Variants in SHANK2 observed in about 807,000 individuals in gnomAD.
SHANK2 encodes the protein SH3 and multiple ankyrin repeat domains protein 2.
In SHANK2, 43 loss-of-function variants were observed where a neutral mutation model predicts 133.7. The observed-to-expected ratio is 0.32, with a 90% CI of 0.25 to 0.41. The LOEUF is 0.41. SHANK2 is among the 10% of genes least tolerant of loss of function. The probability of loss-of-function intolerance (pLI) is 1.00; values close to 1 mark genes in which losing one functional copy is unlikely to be tolerated. For missense variants in SHANK2, 1,994 were observed against 2,235.8 expected (o/e 0.89, Z 2.18); for synonymous variants, 1,017 against 952.8 (o/e 1.07, Z -1.24).
chr11:70,599,811 GAGGGA>G (rs2060455201), intron 17 of SHANK2, among the ~76,000 whole-genome samples: 1 of 140,666 alleles, frequency 7.1e-6, no homozygotes, highest in Non-Finnish European at 1.6e-5. Flanking sequence ...AAAGAAAGAA[GAGGGA>G]GAAGGAAGGA....
intron 17 of SHANK2, among the ~76,000 whole-genome samples, chr11:70,529,705 C>A (rs968897166): frequency 6.6e-6 from 1 of 152,162 alleles, no homozygotes; most frequent in Non-Finnish European, 1.5e-5. Context: ...CTCCCCTCCC[C>A]CTCCCACTGG....
chr11:71,068,969 C>CT (rs1951105482), intron 9 of SHANK2, among the ~76,000 whole-genome samples: 1 of 150,408 alleles, frequency 6.6e-6, no homozygotes, highest in Non-Finnish European at 1.5e-5. Flanking sequence ...CATGACCACC[C>CT]TCACCACCAT....
intron 4 of SHANK2, among the ~76,000 whole-genome samples, chr11:71,115,783 G>A (rs575425438): frequency 2.0e-5 from 3 of 152,232 alleles, no homozygotes; most frequent in East Asian, 1.9e-4. Flanking sequence ...TTTTCCTGCC[G>A]TTATGGAAAT....
At position 70,874,272 on chromosome 11, in the gene SHANK2, C is replaced by A. The variant is rs557174847; in HGVS notation, c.1174+22229G>T. 4.8e-4 allele frequency among the ~76,000 whole-genome samples: 73 copies of A among 151,844 alleles called. 2 individuals carry two copies. The South Asian group carries it at 0.015, about 30-fold the overall frequency. ...TCCCTCTAATCTAATCTAATCCAAT[C>A]TAATCTAATCTAATCTATCTAATCT... On this transcript the variant is annotated intron_variant, in intron 11 of 25. Coordinates refer to ENST00000601538, the MANE Select transcript of SHANK2 (RefSeq NM_012309.5).
intron 10 of SHANK2, among the ~76,000 whole-genome samples, chr11:70,910,525 A>G (rs1257817968): frequency 6.6e-6 from 1 of 152,142 alleles, no homozygotes; most frequent in Admixed American, 6.5e-5. Flanking sequence ...TTGAAAGAAT[A>G]GGCTGGGTGT....
chr11:70,704,096 C>A (rs781886287), intron 14 of SHANK2, among the ~76,000 whole-genome samples: 1 of 152,204 alleles, frequency 6.6e-6, no homozygotes, highest in Non-Finnish European at 1.5e-5. Context: ...GAGGGGGATA[C>A]CCATGTGCAG....
At chr11:71,136,306 C>T (rs1590946515) in intron 3 of SHANK2, among the ~76,000 whole-genome samples, 1 of 152,074 alleles carries the variant, frequency 6.6e-6, no homozygotes, top group African/African-American at 2.4e-5. Context: ...GAATACTACT[C>T]AGCCATAAAA....
At chr11:71,094,815 C>T in intron 6 of SHANK2, 127 bp from the exon 7 acceptor site, 4 of 1,042,544 alleles carry the variant, frequency 3.8e-6, no homozygotes, top group Non-Finnish European at 5.5e-6. Context: ...GTGTTTACAG[C>T]TCCCACCACC....
At chr11:70,551,289 T>C (rs1317055052) in intron 17 of SHANK2, among the ~76,000 whole-genome samples, 2 of 152,126 alleles carry the variant, frequency 1.3e-5, no homozygotes, top group Non-Finnish European at 2.9e-5. Flanking sequence ...GGCTGGAGCC[T>C]CTGCTCTGTG....
At chr11:71,165,649 C>T (rs1210520874) in intron 2 of SHANK2, among the ~76,000 whole-genome samples, 2 of 152,196 alleles carry the variant, frequency 1.3e-5, no homozygotes, top group African/African-American at 4.8e-5. Context: ...ACTTCTCAGC[C>T]CTTGAGATTT....
At chr11:70,856,069 G>A (rs1401081430) in intron 11 of SHANK2, among the ~76,000 whole-genome samples, 1 of 152,054 alleles carries the variant, frequency 6.6e-6, no homozygotes, top group Non-Finnish European at 1.5e-5. Context: ...ATGGGTGGGT[G>A]GGTAAATGGA....
intron 17 of SHANK2, among the ~76,000 whole-genome samples, chr11:70,590,416 G>T (rs557287809): frequency 1.3e-5 from 2 of 152,226 alleles, no homozygotes; most frequent in South Asian, 2.1e-4. Flanking sequence ...CCAATTCTGA[G>T]AATTTCTGCT....
At chr11:70,747,027 C>G (rs1446686058) in intron 14 of SHANK2, among the ~76,000 whole-genome samples, 1 of 149,670 alleles carries the variant, frequency 6.7e-6, no homozygotes, top group Non-Finnish European at 1.5e-5. Flanking sequence ...CCCTCCACCC[C>G]TGCACTCCCC....
intron 10 of SHANK2, among the ~76,000 whole-genome samples, chr11:70,905,583 A>G (rs1464410840): frequency 6.6e-6 from 1 of 152,156 alleles, no homozygotes; most frequent in Non-Finnish European, 1.5e-5. Flanking sequence ...TAATGAGGTC[A>G]TGAGGGTGGA....
At chr11:70,612,081 G>A (rs2136391736) in intron 17 of SHANK2, among the ~76,000 whole-genome samples, 1 of 152,308 alleles carries the variant, frequency 6.6e-6, no homozygotes, top group Non-Finnish European at 1.5e-5. Context: ...ACAGGCCCAG[G>A]AGGGGAGCTG....
At chr11:70,932,272 A>G (rs1380526529) in intron 10 of SHANK2, among the ~76,000 whole-genome samples, 1 of 152,214 alleles carries the variant, frequency 6.6e-6, no homozygotes, top group Non-Finnish European at 1.5e-5. Context: ...GCCACGGGAA[A>G]TATTAATTTC....
intron 12 of SHANK2, among the ~76,000 whole-genome samples, chr11:70,817,176 G>A (rs1016127618): frequency 2.0e-5 from 3 of 152,180 alleles, no homozygotes; most frequent in African/African-American, 7.2e-5. Flanking sequence ...TGGTCGCCTC[G>A]AAGGCAAATG....
intron 10 of SHANK2, among the ~76,000 whole-genome samples, chr11:70,926,281 C>T (rs1224751711): frequency 6.6e-6 from 1 of 152,182 alleles, no homozygotes; most frequent in African/African-American, 2.4e-5. Context: ...CATGGTGATA[C>T]GTGCCTGTAG....
At chr11:70,531,707 G>A (rs553048696) in intron 17 of SHANK2, among the ~76,000 whole-genome samples, 8 of 152,254 alleles carry the variant, frequency 5.3e-5, no homozygotes, top group African/African-American at 1.9e-4. Context: ...TGGGGACTGG[G>A]TAGGAGCGCA....
Sources: allele counts gnomAD v4.1 joint callset (sites outside exome capture counted in the v4.1 genomes callset), GRCh38; gene constraint gnomAD v4.1.1; transcripts MANE v1.5; gene names NCBI Gene and HGNC (gene_info 2026-07-23, HGNC 2026-07-21).